Variants in CDH13 observed in about 807,000 individuals in gnomAD.
CDH13 encodes cadherin 13, also known as cadherin-13.
A neutral mutation model predicts 63.8 loss-of-function variants in CDH13; 24 were observed. That is an observed-to-expected ratio of 0.38 (90% CI 0.27 to 0.53). The LOEUF is 0.53. Among genes scored for constraint, CDH13 ranks in the 20% least tolerant of loss-of-function variants. The pLI, the probability that CDH13 is intolerant of heterozygous loss-of-function variation, is 0.85. For missense variants in CDH13, 1,049 were observed against 903.1 expected, an observed-to-expected ratio of 1.16 and a Z score of -2.07; for synonymous variants, 503 against 355.3, an observed-to-expected ratio of 1.42 and a Z score of -4.67.
intron 2 of CDH13, among the ~76,000 whole-genome samples, chr16:83,021,513 G>T (rs1915344100): frequency 6.6e-6 from 1 of 152,192 alleles, no homozygotes. Context: ...AAAATCCCCT[G>T]AAAGCAGATG....
At chr16:83,252,951 C>T (rs1905763008) in intron 5 of CDH13, among the ~76,000 whole-genome samples, 1 of 151,848 alleles carries the variant, frequency 6.6e-6, no homozygotes, top group Non-Finnish European at 1.5e-5. Flanking sequence ...TTCTGAACCT[C>T]TGTGTCCTCT....
At chr16:83,286,226 A>C (rs1043418455) in intron 5 of CDH13, among the ~76,000 whole-genome samples, 5 of 152,202 alleles carry the variant, frequency 3.3e-5, no homozygotes, top group Middle Eastern at 6.3e-3. Context: ...CTCTTCCCAC[A>C]TCAGCCCCAG....
intron 2 of CDH13, among the ~76,000 whole-genome samples, chr16:83,015,677 G>GTGTATA (rs1280924836): frequency 2.1e-3 from 79 of 37,560 alleles, no homozygotes; most frequent in African/African-American, 6.4e-3. Flanking sequence ...GTGTGTGTAT[G>GTGTATA]TATATATATA....
intron 3 of CDH13, among the ~76,000 whole-genome samples, chr16:83,061,906 G>A (rs756987231): frequency 6.6e-6 from 1 of 152,182 alleles, no homozygotes; most frequent in Non-Finnish European, 1.5e-5. Context: ...TCCAGGAGAT[G>A]CTTACCTGAA....
chr16:83,113,961 C>G (rs554568358), intron 3 of CDH13, among the ~76,000 whole-genome samples: 1 of 151,138 alleles, frequency 6.6e-6, no homozygotes, highest in African/African-American at 2.5e-5. Flanking sequence ...GGCTTAATGA[C>G]GGGGAGAAGA....
chr16:82,687,767 C>T (rs1365345532), intron 1 of CDH13, among the ~76,000 whole-genome samples: 1 of 152,128 alleles, frequency 6.6e-6, no homozygotes, highest in African/African-American at 2.4e-5. Flanking sequence ...GGTTGCCTTC[C>T]ATTCTGATCT....
intron 6 of CDH13, among the ~76,000 whole-genome samples, chr16:83,443,414 C>A (rs533402235): frequency 6.6e-6 from 1 of 151,980 alleles, no homozygotes; most frequent in African/African-American, 2.4e-5. Context: ...TTGAATGTTA[C>A]GAAAAGGTTT....
intron 1 of CDH13, chr16:82,844,686 C>T (rs1446423247): frequency 3.0e-5 from 4 of 135,150 alleles, no homozygotes; most frequent in Non-Finnish European, 6.2e-5. Flanking sequence ...GTCACCCAGG[C>T]TGGAGTGCGG....
intron 5 of CDH13, among the ~76,000 whole-genome samples, chr16:83,305,576 G>A (rs1229157104): frequency 6.6e-6 from 1 of 152,176 alleles, no homozygotes; most frequent in African/African-American, 2.4e-5. Context: ...TATCTTCCAA[G>A]TTGGCATCCC....
chr16:83,589,844 T>G (rs918628483), intron 7 of CDH13, among the ~76,000 whole-genome samples: 3 of 151,950 alleles, frequency 2.0e-5, no homozygotes, highest in Non-Finnish European at 4.4e-5. Context: ...CAAACCTTCA[T>G]GATGGAGGCA....
At chr16:82,983,947 G>T (rs1239806632) in intron 2 of CDH13, among the ~76,000 whole-genome samples, 1 of 152,202 alleles carries the variant, frequency 6.6e-6, no homozygotes, top group Non-Finnish European at 1.5e-5. Context: ...ACACCTGACA[G>T]AGTGGGTAGC....
chr16:83,314,570 G>T (rs531413894), intron 5 of CDH13, among the ~76,000 whole-genome samples: 1 of 151,990 alleles, frequency 6.6e-6, no homozygotes, highest in South Asian at 2.1e-4. Flanking sequence ...AAAAAAATAC[G>T]GTATTTTTTT....
At chr16:83,037,610 C>T (rs1283252600) in intron 3 of CDH13, among the ~76,000 whole-genome samples, 1 of 152,086 alleles carries the variant, frequency 6.6e-6, no homozygotes, top group African/African-American at 2.4e-5. Context: ...GACGTCTAGT[C>T]AGGCTTGAGT....
At chr16:82,884,210 T>C (rs1346372999) in intron 2 of CDH13, 4 of 455,836 alleles carry the variant, frequency 8.8e-6, no homozygotes, top group South Asian at 1.5e-5. Context: ...TGACAGACTT[T>C]TAAAGTAGAG....
chr16:82,778,495 C>G (rs1567524034), intron 1 of CDH13, among the ~76,000 whole-genome samples: 1 of 140,130 alleles, frequency 7.1e-6, no homozygotes, highest in Non-Finnish European at 1.5e-5. Flanking sequence ...AGGTTTTAAA[C>G]TCATTGATGA....
intron 7 of CDH13, among the ~76,000 whole-genome samples, chr16:83,579,778 A>G (rs1905384103): frequency 6.6e-6 from 1 of 152,024 alleles, no homozygotes; most frequent in South Asian, 2.1e-4. Flanking sequence ...CAAATGTGCC[A>G]TTGTGATAAG....
intron 10 of CDH13, among the ~76,000 whole-genome samples, chr16:83,740,894 T>C (rs973410675): frequency 1.8e-4 from 27 of 152,214 alleles, no homozygotes; most frequent in African/African-American, 6.3e-4. Flanking sequence ...ATTTGCTAAT[T>C]TCAAGGAATT....
At chr16:83,284,662 A>G (rs374696241) in intron 5 of CDH13, among the ~76,000 whole-genome samples, 3 of 152,272 alleles carry the variant, frequency 2.0e-5, no homozygotes, top group South Asian at 4.1e-4. Context: ...AATATATTAC[A>G]TAACATAACA....
intron 1 of CDH13, among the ~76,000 whole-genome samples, chr16:82,712,250 CT>C (rs1370495069): frequency 6.6e-6 from 1 of 152,018 alleles, no homozygotes; most frequent in East Asian, 1.9e-4. Context: ...ATTTATTTTA[CT>C]AATTAGTTAA....
Sources: gnomAD v4.1 joint callset for allele counts (sites outside exome capture counted in the v4.1 genomes callset) on GRCh38, gnomAD v4.1.1 for gene constraint, MANE v1.5 for transcripts, NCBI Gene and HGNC (gene_info 2026-07-23, HGNC 2026-07-21) for gene names.